ATPSCKMT: variants seen among roughly 807,000 people sequenced by gnomAD.
The protein encoded by ATPSCKMT is ATP synthase subunit C lysine N-methyltransferase.
A neutral mutation model predicts 24.3 loss-of-function variants in ATPSCKMT; 24 were observed. The ratio of observed to expected loss-of-function variants is 0.99; its 90% CI spans 0.71 to 1.39. ATPSCKMT has a LOEUF of 1.39. ATPSCKMT is among the 40% of genes most tolerant of loss of function. The probability of loss-of-function intolerance (pLI) is 0.00; values close to 1 mark genes in which losing one functional copy is unlikely to be tolerated. For missense variants in ATPSCKMT, 311 were observed against 298.4 expected, an observed-to-expected ratio of 1.04 and a Z score of -0.31; for synonymous variants, 95 against 110.5, an observed-to-expected ratio of 0.86 and a Z score of 0.88.
At chr5:10,232,329 C>A (rs1489961301) in intron 4 of ATPSCKMT, among the ~76,000 whole-genome samples, 1 of 152,250 alleles carries the variant, frequency 6.6e-6, no homozygotes, top group Non-Finnish European at 1.5e-5. Context: ...CACATTCATT[C>A]ATTCAACAAC....
At chr5:10,238,930 G>A (rs1237794822) in intron 2 of ATPSCKMT, 137 bp downstream of exon 2, 2 of 1,107,770 alleles carry the variant, frequency 1.8e-6, no homozygotes, top group African/African-American at 3.1e-5. Context: ...GAATAGTTTG[G>A]TCAAACAAAC....
chr5:10,249,681 G>A, intron 1 of ATPSCKMT, 177 bp downstream of exon 1: 1 of 1,025,362 alleles, frequency 9.8e-7, no homozygotes, highest in Non-Finnish European at 1.4e-6. Context: ...CAGAACCGGC[G>A]CGGGCACCGC....
intron 4 of ATPSCKMT, among the ~76,000 whole-genome samples, chr5:10,229,817 C>A (rs575509402): frequency 6.6e-6 from 1 of 152,202 alleles, no homozygotes; most frequent in African/African-American, 2.4e-5. Context: ...CTTGTGTATT[C>A]GAATGCTCGA....
intron 3 of ATPSCKMT, among the ~76,000 whole-genome samples, chr5:10,235,582 T>C (rs2126438450): frequency 6.6e-6 from 1 of 152,318 alleles, no homozygotes; most frequent in Non-Finnish European, 1.5e-5. Flanking sequence ...GTGACCCCAC[T>C]GTGACCAGCT....
rs747694887 is a variant in ATPSCKMT at position 10,249,868 on chromosome 5, C to T, written c.6G>A (p.Glu2=). 4 of 1,555,356 alleles carry T rather than the reference C, an allele frequency of 2.6e-6. No homozygotes were observed. In the Admixed American group the frequency reaches 5.8e-5, roughly 23 times the overall value. M[E]GGGGIPLETL... The stretch of plus-strand genomic sequence containing the variant: ...CCGCTCCAGCCTCACCTCCTCCTCC[C>T]TCCATCGCGAGATTTCCAACAGCGT... The change falls in exon 1 of 5, where the codon GAG becomes GAA. Residue 2 remains glutamate, a synonymous_variant. Transcript: ENST00000511437.
At chr5:10,232,449 T>C (rs900357034) in intron 4 of ATPSCKMT, among the ~76,000 whole-genome samples, 2 of 152,248 alleles carry the variant, frequency 1.3e-5, no homozygotes, top group Admixed American at 1.3e-4. Flanking sequence ...TGCACACAGC[T>C]AGCAGTGTCG....
rs143858225 is a variant in ATPSCKMT, at chr5:10,247,302, T to A, written c.16+2556A>T. On this transcript the variant is annotated intron_variant, in intron 1 of 4. Transcript: ENST00000511437. ...TACTATGTACATCCAATATAGGATG[T>A]ACAATATAGGAACTACATTGTTAGC... is the stretch of plus-strand genomic sequence containing the variant. Among the ~76,000 whole-genome samples, 56 of 152,348 alleles carry A rather than the reference T, an allele frequency of 3.7e-4. No homozygotes were observed. The East Asian group carries it at 8.5e-3, about 23-fold the overall frequency.
intron 1 of ATPSCKMT, among the ~76,000 whole-genome samples, chr5:10,239,621 C>T (rs1744534305): frequency 6.6e-6 from 1 of 152,110 alleles, no homozygotes; most frequent in South Asian, 2.1e-4. Context: ...AGGAGTCATC[C>T]TTACAAAACA....
chr5:10,237,980 C>A (rs1254386769), intron 2 of ATPSCKMT, among the ~76,000 whole-genome samples: 1 of 152,136 alleles, frequency 6.6e-6, no homozygotes. Context: ...CTCCTGACCT[C>A]GTGATCTGCC....
At chr5:10,236,911 G>T in intron 2 of ATPSCKMT, 2 of 1,381,764 alleles carry the variant, frequency 1.4e-6, no homozygotes, top group Non-Finnish European at 9.5e-7. Flanking sequence ...CCAACCCCCG[G>T]GGAGGTCGAA....
Position 10,239,090 on chromosome 5 carries a change from T to C in ATPSCKMT, c.283A>G (p.Ile95Val), listed in dbSNP as rs528037273. The C allele has an allele frequency of 1.2e-5, 20 of 1,614,146 alleles. No homozygotes were observed. The highest frequency in any genetic ancestry group is 5.0e-5 in the Admixed American group (3 of 60,018). Residue 95 changes from isoleucine to valine, a missense_variant, in exon 2 of 5, where the codon ATC becomes GTC. By Grantham distance (29) the Ile-to-Val change is conservative. Transcript: ENST00000511437. ...ACAATGCGTCCGTCCCCACTACCGA[T>C]GTCCACAAGGGATCCTCTTCGGCAT... ...LRCRRGSLVD[I>V]GSGDGRIVIA... is the part of the protein sequence containing the mutation.
rs1561022428 is a variant in ATPSCKMT, at chr5:10,225,817, C to A, written c.*1624G>T. ...CACTTCTAGAAAATGTTGAACACCT[C>A]CGAGGCCCCACAGAACCCTCCTCTA... On this transcript the variant is annotated 3_prime_UTR_variant, in exon 5 of 5. Transcript: ENST00000511437. 6.6e-6 allele frequency among the ~76,000 whole-genome samples: 1 copy of A among 152,112 alleles called. No homozygotes were observed.
chr5:10,230,261 G>T (rs1744065943), intron 4 of ATPSCKMT, among the ~76,000 whole-genome samples: 1 of 91,492 alleles, frequency 1.1e-5, no homozygotes, highest in Non-Finnish European at 2.6e-5. Context: ...TTAACAGCCA[G>T]TATAGATTAA....
chr5:10,237,754 C>CT (rs34275146), intron 2 of ATPSCKMT, among the ~76,000 whole-genome samples: 64,170 of 149,600 alleles, frequency 0.43, 15,229 homozygotes, highest in Non-Finnish European at 0.55. Flanking sequence ...TAATATATTT[C>CT]TTTTTTTTTT....
chr5:10,226,059 CACA>C lies in ATPSCKMT; in HGVS notation c.*1379_*1381del, dbSNP rs990828317. On this transcript the variant is annotated 3_prime_UTR_variant, in exon 5 of 5. Coordinates refer to ENST00000511437, the MANE Select transcript of ATPSCKMT (RefSeq NM_199133.4). ...AGCTGCCAAAAACCTGGCTGAAGTCCACAACATCACATCCCCTCATCTCAGACT... is the reference window on the plus strand; with the variant it reads ...AGCTGCCAAAAACCTGGCTGAAGTCCACATCACATCCCCTCATCTCAGACT... 5.3e-5 allele frequency among the ~76,000 whole-genome samples: 8 copies of C among 152,204 alleles called. No homozygotes were observed. The highest frequency in any genetic ancestry group is 3.9e-4 in the Admixed American group (6 of 15,270).
chr5:10,237,688 T>A (rs1170676851), intron 2 of ATPSCKMT, among the ~76,000 whole-genome samples: 4 of 152,170 alleles, frequency 2.6e-5, no homozygotes, highest in African/African-American at 9.7e-5. Flanking sequence ...ATCACCTCTT[T>A]CTTTTGTAAA....
At chr5:10,249,794 G>GC in intron 1 of ATPSCKMT, 64 bp downstream of exon 1, 7 of 1,520,500 alleles carry the variant, frequency 4.6e-6, no homozygotes, top group Non-Finnish European at 6.2e-6. Flanking sequence ...CTGACCGCGA[G>GC]CCCCCGGCCC....
At chr5:10,232,853 G>A (rs138638686) in intron 4 of ATPSCKMT, among the ~76,000 whole-genome samples, 10 of 152,348 alleles carry the variant, frequency 6.6e-5, no homozygotes, top group Non-Finnish European at 1.2e-4. Context: ...AGTCACAGAA[G>A]GGTTTTACAC....
In ATPSCKMT at chr5:10,227,633, C is replaced by G; in HGVS notation, c.510G>C (p.Glu170Asp). The G allele has an allele frequency of 6.2e-7, 1 of 1,614,216 alleles. No homozygotes were observed. Among genetic ancestry groups the G allele is most frequent in the Admixed American group, 1.7e-5 (1 of 60,028 alleles). The part of the protein sequence containing the change: ...FGVPQMMLQL[E>D]KKLERELEDD... Reference sequence around the variant, plus strand: ...CCTCAAGTTCACGTTCAAGTTTCTTCTCCAACTGCAGCATCTGTGGAGAGT... The same window carrying G: ...CCTCAAGTTCACGTTCAAGTTTCTTGTCCAACTGCAGCATCTGTGGAGAGT... The change falls in exon 5 of 5, where the codon GAG becomes GAC. Residue 170 changes from glutamate to aspartate, a missense_variant. Transcript: ENST00000511437.
Sources: gnomAD v4.1 joint callset for allele counts (sites outside exome capture counted in the v4.1 genomes callset) on GRCh38, gnomAD v4.1.1 for gene constraint, MANE v1.5 for transcripts, NCBI Gene and HGNC (gene_info 2026-07-23, HGNC 2026-07-21) for gene names.